Variants in DMXL2 observed in about 807,000 individuals in gnomAD.
DMXL2 encodes Dmx like 2.
Under a neutral mutation model 331.1 loss-of-function variants are expected in DMXL2, and 103 were observed. The observed-to-expected ratio is 0.31, with a 90% confidence interval of 0.27 to 0.37. DMXL2 has a LOEUF of 0.37. Ranked by LOEUF, DMXL2 falls within the 10% of genes least tolerant of loss-of-function variation. The pLI is 1.00. For synonymous variants in DMXL2, 1,281 were observed against 1,252.1 expected (o/e 1.02, Z -0.49); for missense variants, 3,171 against 3,642.9 (o/e 0.87, Z 3.33).
intron 6 of DMXL2, among the ~76,000 whole-genome samples, chr15:51,557,179 A>T (rs954277322): frequency 6.6e-6 from 1 of 152,234 alleles, no homozygotes; most frequent in African/African-American, 2.4e-5. Context: ...ATTAGAATTA[A>T]TGAGTTTAGT....
chr15:51,516,513 C>T (rs1031349023), intron 14 of DMXL2, among the ~76,000 whole-genome samples: 13 of 152,326 alleles, frequency 8.5e-5, no homozygotes, highest in African/African-American at 2.6e-4. Context: ...AACCACAACC[C>T]GACCCTTCTA....
At chr15:51,592,631 T>C (rs1235565009) in intron 1 of DMXL2, among the ~76,000 whole-genome samples, 2 of 152,072 alleles carry the variant, frequency 1.3e-5, no homozygotes, top group Non-Finnish European at 2.9e-5. Context: ...TAACCAAAGT[T>C]GAAATGAAGG....
intron 7 of DMXL2, among the ~76,000 whole-genome samples, chr15:51,546,651 C>A (rs2048907099): frequency 6.6e-6 from 1 of 151,816 alleles, no homozygotes; most frequent in South Asian, 2.1e-4. Context: ...CTTCTAAATA[C>A]CTTTAAGAGG....
At chr15:51,556,450 A>G (rs1314967749) in intron 6 of DMXL2, among the ~76,000 whole-genome samples, 2 of 151,564 alleles carry the variant, frequency 1.3e-5, no homozygotes, top group African/African-American at 4.8e-5. Flanking sequence ...GGTTTACAAA[A>G]TCAGTCCATG....
At chr15:51,589,938 T>C (rs2052164962) in intron 1 of DMXL2, among the ~76,000 whole-genome samples, 2 of 152,116 alleles carry the variant, frequency 1.3e-5, no homozygotes, top group Non-Finnish European at 2.9e-5. Flanking sequence ...TGTAAAGCAA[T>C]AAAAAAGCAA....
At chr15:51,532,887 G>A (rs187384055) in intron 13 of DMXL2, among the ~76,000 whole-genome samples, 1 of 152,200 alleles carries the variant, frequency 6.6e-6, no homozygotes, top group Admixed American at 6.5e-5. Flanking sequence ...CATTTATAAT[G>A]AGATGATTAT....
At chr15:51,592,722 A>G (rs756673029) in intron 1 of DMXL2, among the ~76,000 whole-genome samples, 1 of 152,250 alleles carries the variant, frequency 6.6e-6, no homozygotes, top group Non-Finnish European at 1.5e-5. Flanking sequence ...CTCTCGGCAT[A>G]AACTCTACAA....
intron 23 of DMXL2, among the ~76,000 whole-genome samples, chr15:51,483,295 C>T (rs1455091275): frequency 1.3e-5 from 2 of 152,162 alleles, no homozygotes; most frequent in Admixed American, 6.5e-5. Flanking sequence ...CTCTGGCATG[C>T]GCACTGCTCT....
At chr15:51,494,293 G>GT (rs1330942435) in intron 19 of DMXL2, among the ~76,000 whole-genome samples, 1 of 152,154 alleles carries the variant, frequency 6.6e-6, no homozygotes, top group East Asian at 1.9e-4. Context: ...AGTGCCATGG[G>GT]TAAGAATAAC....
intron 16 of DMXL2, among the ~76,000 whole-genome samples, chr15:51,506,426 A>G (rs1596045640): frequency 7.0e-6 from 1 of 143,282 alleles, no homozygotes; most frequent in East Asian, 2.1e-4. Flanking sequence ...GCACTCAATC[A>G]TATTTCATCA....
chr15:51,597,187 GAATA>G (rs1246877632), intron 1 of DMXL2, among the ~76,000 whole-genome samples: 1 of 152,050 alleles, frequency 6.6e-6, no homozygotes, highest in African/African-American at 2.4e-5. Context: ...CCTCCACAAA[GAATA>G]AATTAAAGTG....
At chr15:51,583,121 C>CTT (rs1171970352) in intron 1 of DMXL2, among the ~76,000 whole-genome samples, 13 of 34,856 alleles carry the variant, frequency 3.7e-4, no homozygotes, top group South Asian at 8.3e-4. Flanking sequence ...TTTTTTTTTT[C>CTT]TTTTTTTTTT....
rs899828823 is a variant in DMXL2, at chr15:51,480,533, T to C, written c.6564+9A>G. On this transcript the variant is annotated intron_variant, in intron 24 of 43. Transcript: ENST00000560891. ...ATAACCAAGATTGAAAAAAAAGTGATATTCACACCTGTTGTGATTCTTGTA... is the reference window on the plus strand; with the variant it reads ...ATAACCAAGATTGAAAAAAAAGTGACATTCACACCTGTTGTGATTCTTGTA... The C allele has an allele frequency of 2.7e-6, 4 of 1,485,840 alleles. No individual in the cohort carries two copies. Among genetic ancestry groups the C allele is most frequent in the Non-Finnish European group, 3.6e-6 (4 of 1,115,076 alleles). 92.0% of individuals were successfully genotyped at this position (1,485,840 alleles called of 1,614,324 possible).
Position 51,457,389 on chromosome 15 carries a change from A to G in DMXL2, c.8276T>C (p.Val2759Ala). 1 of 1,614,214 alleles carries G rather than the reference A, an allele frequency of 6.2e-7. No individual in the cohort carries two copies. The highest frequency in any genetic ancestry group is 8.5e-7 in the Non-Finnish European group (1 of 1,180,030). Reference sequence around the variant, plus strand: ...CCATGGCAGAGATGAAGGTGGATGCACCTGACTTGCTGAATAGGATGTTGC... The same window carrying G: ...CCATGGCAGAGATGAAGGTGGATGCGCCTGACTTGCTGAATAGGATGTTGC... ...PSATSYSASQ[V>A]HPPSSLPWLG... The change falls in exon 37 of 44, where the codon GTG (valine) becomes GCG (alanine). Residue 2759 changes from valine (V) to alanine (A), a missense_variant. Physicochemically the swap from Val to Ala is moderately conservative, Grantham distance 64 (BLOSUM62 0). Coordinates refer to ENST00000560891, the MANE Select transcript of DMXL2 (RefSeq NM_001378457.1).
intron 8 of DMXL2, among the ~76,000 whole-genome samples, chr15:51,544,358 G>C (rs2048776469): frequency 6.6e-6 from 1 of 152,140 alleles, no homozygotes; most frequent in Non-Finnish European, 1.5e-5. Context: ...TCCACCATGT[G>C]ATGTGCCGGC....
chr15:51,545,415 G>A (rs1190972738), intron 8 of DMXL2, among the ~76,000 whole-genome samples, 168 bp downstream of exon 8: 2 of 151,898 alleles, frequency 1.3e-5, no homozygotes. Context: ...TCTGCATTTG[G>A]CTTCTTAGTG....
chr15:51,452,446 T>C (rs2039231419), intron 41 of DMXL2, among the ~76,000 whole-genome samples: 1 of 151,990 alleles, frequency 6.6e-6, no homozygotes, highest in South Asian at 2.1e-4. Flanking sequence ...GCAAAGGACA[T>C]GAACAGATAA....
chr15:51,533,208 T>TG lies in DMXL2; in HGVS notation c.2436+2454dup, dbSNP rs538402779. The stretch of plus-strand genomic sequence containing the variant: ...GTTGTTTACTGTATATATTTAGAGA[T>TG]GGGGGGGTCTCACTATGTTGCCCAG... On this transcript the variant is annotated intron_variant, in intron 13 of 43. Transcript: ENST00000560891. Among the ~76,000 whole-genome samples the TG allele has an allele frequency of 5.7e-4, 87 of 152,084 alleles. 1 individual carries two copies. Among genetic ancestry groups the TG allele is most frequent in the Admixed American group, 3.7e-3 (57 of 15,266 alleles).
rs2039372236 is a variant in DMXL2, at chr15:51,453,794, G to A, written c.8605-153C>T. ...AGGATAAAAGAATAAGTGATAGTAT[G>A]AGGCTTAACTGTCATGTGTATATTA... On this transcript the variant is annotated intron_variant, in intron 40 of 43. Transcript: ENST00000560891. Among the ~76,000 whole-genome samples the A allele has an allele frequency of 5.9e-5, 9 of 152,228 alleles. No individual in the cohort carries two copies. In the South Asian group the frequency reaches 1.9e-3, roughly 32 times the overall value.
Sources: gnomAD v4.1 joint callset for allele counts (sites outside exome capture counted in the v4.1 genomes callset) on GRCh38, gnomAD v4.1.1 for gene constraint, MANE v1.5 for transcripts, NCBI Gene and HGNC (gene_info 2026-07-23, HGNC 2026-07-21) for gene names.